Variants in DLG3 observed in about 807,000 individuals in gnomAD.
DLG3 encodes the protein discs large MAGUK scaffold protein 3, also known as disks large homolog 3.
In DLG3, 1 loss-of-function variant was observed where a neutral mutation model predicts 64.1. The observed-to-expected ratio is 0.02, with a 90% CI of 0.01 to 0.07. The LOEUF is 0.07. Among genes scored for constraint, DLG3 ranks in the 10% least tolerant of loss-of-function variants. The probability of loss-of-function intolerance (pLI) is 1.00; values close to 1 mark genes in which losing one functional copy is unlikely to be tolerated. For synonymous variants in DLG3, 245 were observed against 259.8 expected, an observed-to-expected ratio of 0.94 and a Z score of 0.55; for missense variants, 429 against 669.5, an observed-to-expected ratio of 0.64 and a Z score of 3.96.
rs1210734067 is a variant in DLG3 at position 70,499,759 on chromosome X, G to GA, written c.1973-108dup. On this transcript the variant is annotated intron_variant, in intron 15 of 18. Coordinates refer to ENST00000374360, the MANE Select transcript of DLG3 (RefSeq NM_021120.4). ...ACTGCTTGTTTTCTCCCACTTACTT[G>GA]AAAAAAAAAATGGAGTGGCCCAGTG... 3,245 of 626,453 alleles carry GA rather than the reference G, an allele frequency of 5.2e-3. 2 individuals carry two copies. Among genetic ancestry groups the GA allele is most frequent in the African/African-American group, 5.9e-3 (254 of 42,762 alleles). 51.6% of individuals were successfully genotyped at this position (626,453 alleles called of 1,213,427 possible).
chrX:70,502,027 C>T, intron 18 of DLG3, 136 bp from the exon 19 acceptor site: 2 of 528,201 alleles, frequency 3.8e-6, no homozygotes, highest in Non-Finnish European at 6.7e-6. Flanking sequence ...ACCCATACTC[C>T]TGGGAACATG....
At chrX:70,476,463 G>A (rs769559697) in intron 9 of DLG3, among the ~76,000 whole-genome samples, 1 of 111,420 alleles carries the variant, frequency 9.0e-6, no homozygotes, top group Non-Finnish European at 1.9e-5. Context: ...GCTTTTTAAG[G>A]GAAGCTTTTG....
intron 1 of DLG3, among the ~76,000 whole-genome samples, chrX:70,447,269 G>C (rs1182286299): frequency 8.9e-6 from 1 of 111,839 alleles, no homozygotes; most frequent in Non-Finnish European, 1.9e-5. Flanking sequence ...CTGGGCTTGA[G>C]GCATGGCTTG....
Position 70,498,634 on chromosome X carries a change from G to T in DLG3, c.1870+64G>T, listed in dbSNP as rs2147887482. 3 of 1,060,394 alleles carry T rather than the reference G, an allele frequency of 2.8e-6. No homozygotes were observed. In the East Asian group the frequency reaches 9.4e-5, roughly 33 times the overall value. The allele number at this position is 1,060,394 out of a possible 1,213,427, so 87.4% of individuals were successfully genotyped here. A position where few individuals can be genotyped will look rare whatever the true frequency, so the allele number is the denominator to read the frequency against. On this transcript the variant is annotated intron_variant, in intron 14 of 18. Transcript: ENST00000374360. Reference sequence around the variant, plus strand: ...CCTGGTCGTGGGGCTCAATACAGTGGGTGGCTGTGGCAGCAGAGGGAGGGA... The same window carrying T: ...CCTGGTCGTGGGGCTCAATACAGTGTGTGGCTGTGGCAGCAGAGGGAGGGA...
intron 1 of DLG3, 92 bp downstream of exon 1, chrX:70,445,650 G>A (rs1262968277): frequency 1.1e-6 from 1 of 884,101 alleles, no homozygotes; most frequent in East Asian, 3.4e-5. Flanking sequence ...GGGTCGCTGG[G>A]GCTCCAAGCC....
chrX:70,470,380 A>G (rs2086949999), intron 9 of DLG3, among the ~76,000 whole-genome samples: 1 of 110,500 alleles, frequency 9.0e-6, no homozygotes, highest in African/African-American at 3.3e-5. Flanking sequence ...ATAGGTGTGC[A>G]CCACCACGCC....
chrX:70,479,378 T>G (rs765447684), intron 10 of DLG3, 114 bp downstream of exon 10: 2 of 594,115 alleles, frequency 3.4e-6, no homozygotes, highest in Non-Finnish European at 2.9e-6. Flanking sequence ...AGTTCTAAAA[T>G]AACGCTTCTC....
intron 9 of DLG3, among the ~76,000 whole-genome samples, chrX:70,455,505 A>G (rs1444364492): frequency 2.8e-5 from 3 of 105,700 alleles, no homozygotes; most frequent in African/African-American, 1.0e-4. Context: ...CTTAGCCATC[A>G]CCTCTCCCCC....
At chrX:70,492,965 T>A (rs946083875) in intron 12 of DLG3, among the ~76,000 whole-genome samples, 1 of 112,002 alleles carries the variant, frequency 8.9e-6, no homozygotes, top group African/African-American at 3.2e-5. Flanking sequence ...TCAGACCACC[T>A]GAGGCAGGCG....
Position 70,458,883 on chromosome X carries a change from C to G in DLG3, c.1405+4567C>G, listed in dbSNP as rs190375917. 4.6e-3 allele frequency among the ~76,000 whole-genome samples: 516 copies of G among 112,670 alleles called. 3 individuals are homozygous for G. Among genetic ancestry groups the G allele is most frequent in the African/African-American group, 0.016 (493 of 31,115 alleles). On this transcript the variant is annotated intron_variant, in intron 9 of 18. Coordinates refer to ENST00000374360, the MANE Select transcript of DLG3 (RefSeq NM_021120.4). ...ATGATGTTCTTGGACATGTATAATA[C>G]TGCTTAAAATTCAATTGAAAATTTA...
intron 4 of DLG3, 144 bp from the exon 5 acceptor site, chrX:70,450,025 G>T: frequency 1.0e-6 from 1 of 985,608 alleles, no homozygotes; most frequent in African/African-American, 1.9e-5. Flanking sequence ...CTCATCTCAG[G>T]ATGGCAGCTT....
Position 70,502,239 on chromosome X carries a change from C to T in DLG3, c.2424C>T (p.Tyr808=). 1.7e-6 allele frequency: 2 copies of T among 1,206,898 alleles called. No individual in the cohort carries two copies. The highest frequency in any genetic ancestry group is 2.2e-6 in the Non-Finnish European group (2 of 891,808). ...TCATTGAGGACCAGTCTGGGCACTA[C>T]ATTTGGGTCCCATCCCCTGAAAAAC... ...KQIIEDQSGH[Y]IWVPSPEKL The change falls in exon 19 of 19, where the codon TAC becomes TAT. Residue 808 remains tyrosine, a synonymous_variant. Transcript: ENST00000374360.
intron 13 of DLG3, among the ~76,000 whole-genome samples, chrX:70,497,504 C>A (rs2087476784): frequency 8.9e-6 from 1 of 112,490 alleles, no homozygotes; most frequent in Non-Finnish European, 1.9e-5. Flanking sequence ...TAAATCCCTG[C>A]CATGGGTACT....
At chrX:70,480,085 T>G (rs1343096853) in intron 10 of DLG3, among the ~76,000 whole-genome samples, 2 of 112,002 alleles carry the variant, frequency 1.8e-5, no homozygotes, top group East Asian at 5.6e-4. Flanking sequence ...GTACATTGTA[T>G]CCTCCAAGGT....
intron 9 of DLG3, among the ~76,000 whole-genome samples, chrX:70,472,935 TC>T (rs2086994630): frequency 9.0e-6 from 1 of 110,915 alleles, no homozygotes; most frequent in Non-Finnish European, 1.9e-5. Context: ...GGTGGGCAGA[TC>T]ACCTGAGGTC....
intron 15 of DLG3, 139 bp from the exon 16 acceptor site, chrX:70,499,738 C>T: frequency 1.7e-6 from 1 of 586,371 alleles, no homozygotes; most frequent in African/African-American, 2.2e-5. Context: ...TTCCCAACTG[C>T]TTGTTTTCTC....
intron 18 of DLG3, 64 bp downstream of exon 18, chrX:70,501,053 G>C: frequency 1.1e-6 from 1 of 870,585 alleles, no homozygotes; most frequent in Non-Finnish European, 1.7e-6. Context: ...TTCTATAAGT[G>C]TCTCAAAGAG....
chrX:70,448,239 G>A (rs1381721914), intron 1 of DLG3, among the ~76,000 whole-genome samples: 2 of 112,063 alleles, frequency 1.8e-5, no homozygotes, highest in Non-Finnish European at 3.8e-5. Context: ...GCTGGGGTAC[G>A]GGGATGAGTG....
At chrX:70,478,172 G>C (rs1266423973) in intron 9 of DLG3, among the ~76,000 whole-genome samples, 1 of 112,368 alleles carries the variant, frequency 8.9e-6, no homozygotes, top group Non-Finnish European at 1.9e-5. Context: ...GGCAATTATA[G>C]GCCTGGAAAA....
Sources: allele counts gnomAD v4.1 joint callset (sites outside exome capture counted in the v4.1 genomes callset), GRCh38; gene constraint gnomAD v4.1.1; transcripts MANE v1.5; gene names NCBI Gene and HGNC (gene_info 2026-07-23, HGNC 2026-07-21).